The following TRPA1 variants were observed in gnomAD, a reference collection of about 807,000 sequenced individuals.
TRPA1 encodes the protein ankyrin-like with transmembrane domains 1.
Under a neutral mutation model 131.3 loss-of-function variants are expected in TRPA1, and 129 were observed. That is an observed-to-expected ratio of 0.98 (90% CI 0.85 to 1.14). The LOEUF is 1.14. Among genes scored for constraint, TRPA1 ranks in the 50% most tolerant of loss-of-function variants. The pLI, the probability that TRPA1 is intolerant of heterozygous loss-of-function variation, is 0.00. For synonymous variants in TRPA1, 441 were observed against 451.7 expected (o/e 0.98, Z 0.30); for missense variants, 1,304 against 1,354.2 (o/e 0.96, Z 0.58).
At chr8:72,074,721 T>G (rs1806136325) in intron 1 of TRPA1, among the ~76,000 whole-genome samples, 1 of 152,138 alleles carries the variant, frequency 6.6e-6, no homozygotes, top group African/African-American at 2.4e-5. Context: ...TCACCCATCT[T>G]CAAAAGGTCA....
chr8:72,045,285 G>A lies in TRPA1; in HGVS notation c.2061+1228C>T, dbSNP rs558730568. On this transcript the variant is annotated intron_variant, in intron 17 of 26. Coordinates refer to ENST00000262209, the MANE Select transcript of TRPA1 (RefSeq NM_007332.3). ...GCCTTGTAGGTTTAACTTGGGTGAC[G>A]GCTGCTACCATGGTCTGTACCAAAG... is the stretch of plus-strand genomic sequence containing the variant. Among the ~76,000 whole-genome samples the A allele has an allele frequency of 4.9e-4, 75 of 151,854 alleles. 1 individual carries two copies. Among genetic ancestry groups the A allele is most frequent in the Admixed American group, 9.9e-4 (15 of 15,214 alleles).
At chr8:72,076,644 A>T (rs926030510), upstream of TRPA1, 5 of 152,278 alleles carry the variant, frequency 3.3e-5, no homozygotes, top group East Asian at 9.6e-4. Flanking sequence ...GGACTCTCTG[A>T]CCTAGGGGCT....
chr8:72,046,440 A>G, intron 17 of TRPA1, 73 bp downstream of exon 17: 1 of 934,286 alleles, frequency 1.1e-6, no homozygotes, highest in East Asian at 2.7e-5. Flanking sequence ...CATGTACCCT[A>G]AAACTTAAAG....
In TRPA1 at chr8:72,036,879, T is replaced by G. The variant is rs190496247; in HGVS notation, c.2386-422A>C. ...AAAGGTTTGGGACATGCACTGAGAC[T>G]TAATTAGGAAATAAAAACAAATAAT... On this transcript the variant is annotated intron_variant, in intron 20 of 26. Transcript: ENST00000262209. Among the ~76,000 whole-genome samples, 3 of 152,334 alleles carry G rather than the reference T, an allele frequency of 2.0e-5. No individual in the cohort carries two copies. In the East Asian group the frequency reaches 5.8e-4, roughly 29 times the overall value.
chr8:72,063,411 C>T, intron 5 of TRPA1, 52 bp downstream of exon 5: 1 of 1,301,778 alleles, frequency 7.7e-7, no homozygotes, highest in East Asian at 2.3e-5. Context: ...TTAATAGCAT[C>T]CACCAAAATA....
rs1003149658 is a variant in TRPA1 at position 72,021,371 on chromosome 8, G to C, written c.*1535C>G. The C allele has an allele frequency of 2.0e-5, 3 of 152,160 alleles. No homozygotes were observed. The highest frequency in any genetic ancestry group is 2.9e-5 in the Non-Finnish European group (2 of 68,026). The allele number at this position is 152,160 out of a possible 1,614,324, so 9.4% of individuals were successfully genotyped here. A position where few individuals can be genotyped will look rare whatever the true frequency, so the allele number is the denominator to read the frequency against. ...TATTGTGCAATGCTACACAAGGTTT[G>C]AGGAGAGGGAAGACTGAAAAGACCC... is the stretch of plus-strand genomic sequence containing the variant. On this transcript the variant is annotated 3_prime_UTR_variant, in exon 27 of 27. Transcript: ENST00000262209.
chr8:72,026,895 C>T (rs1340505111), intron 24 of TRPA1, among the ~76,000 whole-genome samples: 1 of 152,142 alleles, frequency 6.6e-6, no homozygotes, highest in African/African-American at 2.4e-5. Flanking sequence ...ACTTTCCTGA[C>T]ACCACTGCTT....
chr8:72,053,719 G>T, intron 13 of TRPA1, 34 bp downstream of exon 13: 1 of 1,505,820 alleles, frequency 6.6e-7, no homozygotes. Context: ...GCTATATTGA[G>T]ATTTTGGGTA....
At position 72,047,217 on chromosome 8, in the gene TRPA1, A is replaced by G. The variant is rs768263265; in HGVS notation, c.1906-10T>C. ...AGAAATCTAAAAGTACCTTTGAAAG[A>G]GAAAAACCAGCTAAGATATTGGGGC... On this transcript the variant is annotated splice_polypyrimidine_tract_variant and intron_variant, in intron 15 of 26. Transcript: ENST00000262209. 2 of 1,608,398 alleles carry G rather than the reference A, an allele frequency of 1.2e-6. No homozygotes were observed. Among genetic ancestry groups the G allele is most frequent in the Non-Finnish European group, 1.7e-6 (2 of 1,175,550 alleles).
chr8:72,040,837 C>A (rs930736048), intron 17 of TRPA1, among the ~76,000 whole-genome samples: 4 of 152,024 alleles, frequency 2.6e-5, no homozygotes, highest in African/African-American at 9.7e-5. Flanking sequence ...ATACTGAAAG[C>A]AATTAACAAA....
chr8:72,037,520 G>A (rs1407995960), intron 20 of TRPA1, among the ~76,000 whole-genome samples: 1 of 151,976 alleles, frequency 6.6e-6, no homozygotes, highest in African/African-American at 2.4e-5. Context: ...TTCCAAAATT[G>A]TATTAAAACT....
chr8:72,024,100 A>T (rs1292987560), intron 25 of TRPA1, among the ~76,000 whole-genome samples, 189 bp from the exon 26 acceptor site: 1 of 152,212 alleles, frequency 6.6e-6, no homozygotes, highest in East Asian at 1.9e-4. Flanking sequence ...TCATACATAT[A>T]ATCAGAGAGA....
chr8:72,089,916 G>A, the TRPA1 span, among the ~76,000 whole-genome samples: 24,522 of 151,952 alleles, frequency 0.16, 2,061 homozygotes, highest in Middle Eastern at 0.2. Context: ...AAATTGGAAA[G>A]TTACAAGATA....
At position 72,038,073 on chromosome 8, in the gene TRPA1, C is replaced by A; in HGVS notation, c.2296-1G>T. 1 of 1,449,784 alleles carries A rather than the reference C, an allele frequency of 6.9e-7. No homozygotes were observed. The highest frequency in any genetic ancestry group is 1.2e-5 in the South Asian group (1 of 85,660). 89.8% of individuals were successfully genotyped at this position (1,449,784 alleles called of 1,614,324 possible). A position where few individuals can be genotyped will look rare whatever the true frequency, so the allele number is the denominator to read the frequency against. On this transcript the variant is annotated splice_acceptor_variant, in intron 19 of 26. Transcript: ENST00000262209. LOFTEE classifies it high-confidence loss of function. ...TACAAGTTTTTATTAGATATGAATT[C>A]TAAAACAAAAAAGGATAAGACACAT...
chr8:72,082,341 ATTC>A, the TRPA1 span, among the ~76,000 whole-genome samples: 2 of 152,040 alleles, frequency 1.3e-5, no homozygotes, highest in Non-Finnish European at 2.9e-5. Context: ...GTGTGTTATA[ATTC>A]TTCTTTTTAA....
At chr8:72,083,699 C>G in the TRPA1 span, among the ~76,000 whole-genome samples, 1 of 152,066 alleles carries the variant, frequency 6.6e-6, no homozygotes, top group Non-Finnish European at 1.5e-5. Flanking sequence ...GCCGAGATAA[C>G]ACCACTGCAC....
rs35427625 is a variant in TRPA1 at position 72,050,874 on chromosome 8, G to A, written c.1812-3C>T. On this transcript the variant is annotated splice_polypyrimidine_tract_variant and splice_region_variant and intron_variant, in intron 14 of 26. Coordinates refer to ENST00000262209, the MANE Select transcript of TRPA1 (RefSeq NM_007332.3). ...AAATCTTAAGACATTCATCCCATCT[G>A]TAAAAAATAAATAAGTAAGATAAGC... 0.095 allele frequency: 151,653 copies of A among 1,589,380 alleles called. 8,124 individuals are homozygous for A. The highest frequency in any genetic ancestry group is 0.14 in the African/African-American group (10,401 of 74,396).
the TRPA1 span, among the ~76,000 whole-genome samples, chr8:72,083,729 C>A: frequency 7.2e-5 from 11 of 151,876 alleles, no homozygotes; most frequent in Non-Finnish European, 1.6e-4. Flanking sequence ...GGTGACAGAG[C>A]GAGACCATCT....
rs1016423026 is a variant in TRPA1, at chr8:72,069,189, T to C, written c.278A>G (p.Glu93Gly). ...AGGGGTATTTCCATAATCATCCATTTCATGCAGCACTAGAAAAAGAAACCA... is the reference window on the plus strand; with the variant it reads ...AGGGGTATTTCCATAATCATCCATTCCATGCAGCACTAGAAAAAGAAACCA... Reference protein sequence around the residue: ...TRDSSLEVLHEMDDYGNTPLH... With the variant: ...TRDSSLEVLHGMDDYGNTPLH... Residue 93 changes from glutamate (E) to glycine (G), a missense_variant, in exon 3 of 27, where the codon GAA (glutamate) becomes GGA (glycine). By Grantham distance (98) the Glu-to-Gly change is moderately conservative. Coordinates refer to ENST00000262209, the MANE Select transcript of TRPA1 (RefSeq NM_007332.3). 12 of 1,614,116 alleles carry C rather than the reference T, an allele frequency of 7.4e-6. No individual in the cohort carries two copies. The highest frequency in any genetic ancestry group is 1.3e-5 in the African/African-American group (1 of 74,946).
Sources: gnomAD v4.1 joint callset for allele counts (sites outside exome capture counted in the v4.1 genomes callset) on GRCh38, gnomAD v4.1.1 for gene constraint, MANE v1.5 for transcripts, NCBI Gene and HGNC (gene_info 2026-07-23, HGNC 2026-07-21) for gene names.